Variants in BMAL1 observed in about 807,000 individuals in gnomAD.
The protein encoded by BMAL1 is basic helix-loop-helix ARNT like 1.
chr11:13,316,978 A>G, the BMAL1 span, among the ~76,000 whole-genome samples: 1 of 152,140 alleles, frequency 6.6e-6, no homozygotes, highest in Non-Finnish European at 1.5e-5. Context: ...AAACCCACCA[A>G]GCTCCCTTAG....
At chr11:13,329,212 C>T in the BMAL1 span, among the ~76,000 whole-genome samples, 3 of 152,288 alleles carry the variant, frequency 2.0e-5, no homozygotes, top group South Asian at 2.1e-4. Context: ...CCCTTTACGT[C>T]GGATGGCCAG....
the BMAL1 span, among the ~76,000 whole-genome samples, chr11:13,318,556 T>G: frequency 1.3e-5 from 2 of 148,942 alleles, no homozygotes; most frequent in African/African-American, 2.5e-5. Context: ...TTTTTTTTTT[T>G]TTTTTTTTTT....
At chr11:13,324,737 A>G in the BMAL1 span, among the ~76,000 whole-genome samples, 1 of 152,246 alleles carries the variant, frequency 6.6e-6, no homozygotes, top group African/African-American at 2.4e-5. Context: ...AGAGCCTGGC[A>G]CACAGTGGGT....
the BMAL1 span, among the ~76,000 whole-genome samples, chr11:13,284,764 T>A: frequency 6.6e-6 from 1 of 151,908 alleles, no homozygotes; most frequent in Non-Finnish European, 1.5e-5. Flanking sequence ...GCTCAACTCC[T>A]TTCAATCTTC....
the BMAL1 span, among the ~76,000 whole-genome samples, chr11:13,284,128 GTA>G: frequency 8.0e-3 from 471 of 58,824 alleles, 40 homozygotes; most frequent in East Asian, 0.022. Flanking sequence ...ATGTGTGTGT[GTA>G]TATATATATA....
At chr11:13,366,593 C>A in the BMAL1 span, 1 of 1,321,536 alleles carries the variant, frequency 7.6e-7, no homozygotes, top group Non-Finnish European at 1.1e-6. Context: ...GCAGACTGTG[C>A]ATGCTTACTT....
At chr11:13,313,148 G>C in the BMAL1 span, among the ~76,000 whole-genome samples, 1 of 152,144 alleles carries the variant, frequency 6.6e-6, no homozygotes, top group Non-Finnish European at 1.5e-5. Flanking sequence ...TCCCTGCAGC[G>C]AGAACTCCCA....
the BMAL1 span, chr11:13,374,345 A>AG: frequency 2.8e-6 from 2 of 715,768 alleles, no homozygotes; most frequent in Non-Finnish European, 4.7e-6. Flanking sequence ...ATCTGTGTGA[A>AG]GAGGAAGCTG....
chr11:13,368,950 A>G, the BMAL1 span, among the ~76,000 whole-genome samples: 24 of 152,370 alleles, frequency 1.6e-4, no homozygotes, highest in African/African-American at 5.0e-4. Context: ...TTATTTTTCT[A>G]TACTGTCTTT....
chr11:13,372,049 C>T, the BMAL1 span: 5 of 1,414,792 alleles, frequency 3.5e-6, no homozygotes, highest in Non-Finnish European at 4.8e-6. Flanking sequence ...AGAGTGAAGC[C>T]TTGATTTTTT....
the BMAL1 span, among the ~76,000 whole-genome samples, chr11:13,363,127 CATATATATATATATATATATAT>C: frequency 6.5e-4 from 71 of 109,920 alleles, no homozygotes; most frequent in East Asian, 5.7e-3. Context: ...GTCTTTATTT[CATATATATATATATATATATAT>C]ATATATATAT....
the BMAL1 span, among the ~76,000 whole-genome samples, chr11:13,361,337 A>G: frequency 6.6e-6 from 1 of 152,190 alleles, no homozygotes. Flanking sequence ...TTGAAGGGAA[A>G]GAAACTGGAT....
chr11:13,327,302 C>T, the BMAL1 span, among the ~76,000 whole-genome samples: 3 of 152,202 alleles, frequency 2.0e-5, no homozygotes, highest in East Asian at 1.9e-4. Flanking sequence ...ACATTAAGTA[C>T]GTGCCTACTA....
the BMAL1 span, among the ~76,000 whole-genome samples, chr11:13,297,048 C>A: frequency 6.6e-6 from 1 of 152,200 alleles, no homozygotes; most frequent in Admixed American, 6.5e-5. Context: ...TGCAGCCCTC[C>A]TCTTACATAG....
chr11:13,378,763 A>G, the BMAL1 span: 1 of 298,666 alleles, frequency 3.3e-6, no homozygotes, highest in African/African-American at 2.3e-5. Flanking sequence ...AGAATTCTTG[A>G]GAAGACTTAA....
the BMAL1 span, among the ~76,000 whole-genome samples, chr11:13,278,275 C>CT: frequency 2.0e-5 from 3 of 152,190 alleles, no homozygotes; most frequent in East Asian, 5.8e-4. Flanking sequence ...GCATCGCTAC[C>CT]TGGCGGGGGG....
chr11:13,293,195 C>T, the BMAL1 span, among the ~76,000 whole-genome samples: 6 of 152,224 alleles, frequency 3.9e-5, no homozygotes, highest in African/African-American at 1.4e-4. Flanking sequence ...TGAAACTAAG[C>T]AGTGGGGGGC....
At chr11:13,325,620 C>A in the BMAL1 span, among the ~76,000 whole-genome samples, 3 of 148,612 alleles carry the variant, frequency 2.0e-5, no homozygotes, top group South Asian at 2.1e-4. Context: ...CTGGCCCAGG[C>A]GTAGCCATGC....
chr11:13,281,826 C>T, the BMAL1 span, among the ~76,000 whole-genome samples: 1 of 152,172 alleles, frequency 6.6e-6, no homozygotes, highest in Non-Finnish European at 1.5e-5. Context: ...AAGCTTTTAC[C>T]TCACTTGTTT....
Sources: gnomAD v4.1 joint callset for allele counts (sites outside exome capture counted in the v4.1 genomes callset) on GRCh38, gnomAD v4.1.1 for gene constraint, MANE v1.5 for transcripts, NCBI Gene and HGNC (gene_info 2026-07-23, HGNC 2026-07-21) for gene names.